Variants in KCNT2 observed in about 807,000 individuals in gnomAD.
The protein encoded by KCNT2 is potassium sodium-activated channel subfamily T member 2.
In KCNT2, 67 loss-of-function variants were observed where a neutral mutation model predicts 153.8. That is an observed-to-expected ratio of 0.44 (90% CI 0.36 to 0.53). The LOEUF is 0.53. Among genes scored for constraint, KCNT2 ranks in the 20% least tolerant of loss-of-function variants. The pLI, the probability that KCNT2 is intolerant of heterozygous loss-of-function variation, is 0.00. For synonymous variants in KCNT2, 500 were observed against 458.8 expected (o/e 1.09, Z -1.15); for missense variants, 975 against 1,354.8 (o/e 0.72, Z 4.40).
intron 8 of KCNT2, among the ~76,000 whole-genome samples, chr1:196,430,396 C>CTCTCTCTT (rs1674042956): frequency 6.7e-6 from 1 of 148,210 alleles, no homozygotes; most frequent in African/African-American, 2.6e-5. Flanking sequence ...CTCTCTCTCT[C>CTCTCTCTT]TCTCTCTCTC....
intron 1 of KCNT2, among the ~76,000 whole-genome samples, chr1:196,518,176 C>A (rs1268984054): frequency 6.6e-6 from 1 of 152,070 alleles, no homozygotes; most frequent in Admixed American, 6.6e-5. Context: ...TAAGCTTTCT[C>A]AGAAAAGAAG....
chr1:196,592,253 A>T (rs979546546), intron 1 of KCNT2, among the ~76,000 whole-genome samples: 4 of 151,986 alleles, frequency 2.6e-5, no homozygotes, highest in African/African-American at 4.8e-5. Context: ...TAAATAAAAT[A>T]AGTCAGAAAT....
Position 196,413,122 on chromosome 1 carries a change from T to C in KCNT2, c.1185+9928A>G, listed in dbSNP as rs988310837. On this transcript the variant is annotated intron_variant, in intron 12 of 27. Transcript: ENST00000294725. Reference sequence around the variant, plus strand: ...AAACCATGTATACATGTCATTATTATTATAATATTTAAACAGTAGTACCAC... The same window carrying C: ...AAACCATGTATACATGTCATTATTACTATAATATTTAAACAGTAGTACCAC... 2.6e-5 allele frequency among the ~76,000 whole-genome samples: 4 copies of C among 151,632 alleles called. No homozygotes were observed. In the Admixed American group the frequency reaches 2.6e-4, roughly 10 times the overall value.
intron 1 of KCNT2, among the ~76,000 whole-genome samples, chr1:196,565,266 T>C (rs1659964800): frequency 6.6e-6 from 1 of 151,772 alleles, no homozygotes; most frequent in Non-Finnish European, 1.5e-5. Flanking sequence ...CAGATTAGAA[T>C]GGTTATTAGC....
intron 8 of KCNT2, among the ~76,000 whole-genome samples, chr1:196,459,639 T>C (rs61820915): frequency 0.33 from 49,654 of 151,530 alleles, 8,172 homozygotes; most frequent in Admixed American, 0.39. Flanking sequence ...TAAGTCATAG[T>C]CAGGGCATGT....
chr1:196,321,605 G>A (rs555105233), intron 19 of KCNT2, among the ~76,000 whole-genome samples: 2 of 152,012 alleles, frequency 1.3e-5, no homozygotes, highest in South Asian at 4.1e-4. Flanking sequence ...CATCTGTATT[G>A]TGGTAGTATG....
At position 196,366,164 on chromosome 1, in the gene KCNT2, AT is replaced by A. The variant is rs533276852; in HGVS notation, c.1403+6975del. On this transcript the variant is annotated intron_variant, in intron 14 of 27. Transcript: ENST00000294725. Reference sequence around the variant, plus strand: ...TTATTTACTTATTTATTTAATTATTATTTTTTTTTTTTGAGACAGAGTTTCG... The same window carrying A: ...TTATTTACTTATTTATTTAATTATTATTTTTTTTTTTGAGACAGAGTTTCG... Among the ~76,000 whole-genome samples the A allele has an allele frequency of 6.5e-3, 951 of 145,648 alleles. 5 individuals carry two copies. Among genetic ancestry groups the A allele is most frequent in the African/African-American group, 0.019 (759 of 40,110 alleles).
chr1:196,420,703 G>A (rs1370082248), intron 12 of KCNT2, among the ~76,000 whole-genome samples: 1 of 151,992 alleles, frequency 6.6e-6, no homozygotes, highest in Non-Finnish European at 1.5e-5. Flanking sequence ...TTGTGTCAAT[G>A]TCAATAGAGA....
At chr1:196,595,005 T>G (rs914236179) in intron 1 of KCNT2, among the ~76,000 whole-genome samples, 1 of 152,086 alleles carries the variant, frequency 6.6e-6, no homozygotes, top group Non-Finnish European at 1.5e-5. Flanking sequence ...AAGACTATGA[T>G]GAAAATGCAT....
At chr1:196,538,749 C>T (rs946755) in intron 1 of KCNT2, among the ~76,000 whole-genome samples, 72,796 of 152,010 alleles carry the variant, frequency 0.48, 19,799 homozygotes, top group Middle Eastern at 0.73. Context: ...GCATAGCCAC[C>T]TCCCTTACAC....
chr1:196,534,743 G>C (rs1655345692), intron 1 of KCNT2, among the ~76,000 whole-genome samples: 1 of 152,120 alleles, frequency 6.6e-6, no homozygotes, highest in African/African-American at 2.4e-5. Context: ...ATATACATTA[G>C]ATAGATCGTA....
intron 1 of KCNT2, among the ~76,000 whole-genome samples, chr1:196,570,036 G>T (rs1660580585): frequency 7.0e-6 from 1 of 143,808 alleles, no homozygotes; most frequent in African/African-American, 2.9e-5. Flanking sequence ...CCAACAAAAA[G>T]CCTCCTGAGT....
At chr1:196,564,162 C>T (rs1413877570) in intron 1 of KCNT2, among the ~76,000 whole-genome samples, 2 of 151,742 alleles carry the variant, frequency 1.3e-5, no homozygotes, top group Non-Finnish European at 2.9e-5. Flanking sequence ...TAAAGGACTT[C>T]AGTGGAGTTG....
At chr1:196,273,411 C>G (rs1658255442) in intron 25 of KCNT2, 2 of 1,132,600 alleles carry the variant, frequency 1.8e-6, no homozygotes, top group Non-Finnish European at 2.5e-6. Context: ...TCTTTAATAG[C>G]TCTGAATTAA....
chr1:196,286,643 A>ACC (rs143492755), intron 22 of KCNT2, among the ~76,000 whole-genome samples: 8 of 150,608 alleles, frequency 5.3e-5, no homozygotes, highest in Admixed American at 2.6e-4. Flanking sequence ...ACACATACAC[A>ACC]CACACACACA....
At chr1:196,601,722 C>T (rs1177896836) in intron 1 of KCNT2, among the ~76,000 whole-genome samples, 1 of 152,124 alleles carries the variant, frequency 6.6e-6, no homozygotes, top group African/African-American at 2.4e-5. Flanking sequence ...GTATGTTAGC[C>T]TACTTCCTTT....
intron 15 of KCNT2, among the ~76,000 whole-genome samples, chr1:196,340,891 T>C (rs1665559065): frequency 6.6e-6 from 1 of 151,926 alleles, no homozygotes; most frequent in Admixed American, 6.6e-5. Context: ...AAACAGCATA[T>C]CTTACTTTGG....
At position 196,478,222 on chromosome 1, in the gene KCNT2, T is replaced by C. The variant is rs953069508; in HGVS notation, c.384+957A>G. 2.0e-5 allele frequency among the ~76,000 whole-genome samples: 3 copies of C among 152,188 alleles called. No individual in the cohort carries two copies. The South Asian group carries it at 6.2e-4, about 32-fold the overall frequency. ...CTTTCATTAAAACTGGTAAATCTTT[T>C]CATCCAGCCAAAATCTTACTGTCAG... On this transcript the variant is annotated intron_variant, in intron 5 of 27. Transcript: ENST00000294725.
At chr1:196,600,758 G>C (rs1664635794) in intron 1 of KCNT2, among the ~76,000 whole-genome samples, 1 of 152,112 alleles carries the variant, frequency 6.6e-6, no homozygotes, top group Non-Finnish European at 1.5e-5. Flanking sequence ...ATAAAATTTG[G>C]TCATTTGCTG....
Sources: gnomAD v4.1 joint callset for allele counts (sites outside exome capture counted in the v4.1 genomes callset) on GRCh38, gnomAD v4.1.1 for gene constraint, MANE v1.5 for transcripts, NCBI Gene and HGNC (gene_info 2026-07-23, HGNC 2026-07-21) for gene names.